The following DNAJC16 variants were observed in gnomAD, a reference collection of about 807,000 sequenced individuals.
The protein encoded by DNAJC16 is dnaJ homolog subfamily C member 16.
Under a neutral mutation model 92.7 loss-of-function variants are expected in DNAJC16, and 76 were observed. The observed-to-expected ratio is 0.82, with a 90% CI of 0.68 to 0.99. The LOEUF is 0.99. DNAJC16 is among the 50% of genes least tolerant of loss of function. DNAJC16 has a pLI of 0.00. For synonymous variants in DNAJC16, 328 were observed against 358.7 expected, an observed-to-expected ratio of 0.91 and a Z score of 0.97; for missense variants, 869 against 942.4, an observed-to-expected ratio of 0.92 and a Z score of 1.02.
At chr1:15,549,128 C>T (rs1444515179) in intron 7 of DNAJC16, among the ~76,000 whole-genome samples, 1 of 152,146 alleles carries the variant, frequency 6.6e-6, no homozygotes. Flanking sequence ...ACTCTAATGG[C>T]AGCTCAGGTG....
chr1:15,552,766 A>T lies in DNAJC16; in HGVS notation c.1023+4338A>T, dbSNP rs982800459. Reference sequence around the variant, plus strand: ...TGTTATGTGTCTTTTTATTATTATTATTTATTTTTTTTTTTTTTGGAGACA... The same window carrying T: ...TGTTATGTGTCTTTTTATTATTATTTTTTATTTTTTTTTTTTTTGGAGACA... On this transcript the variant is annotated intron_variant, in intron 7 of 14. Coordinates refer to ENST00000375847, the MANE Select transcript of DNAJC16 (RefSeq NM_015291.4). 1.2e-3 allele frequency among the ~76,000 whole-genome samples: 156 copies of T among 125,938 alleles called. 1 individual carries two copies. Among genetic ancestry groups the T allele is most frequent in the South Asian group, 4.4e-3 (17 of 3,850 alleles). 82.6% of individuals were successfully genotyped at this position (125,938 alleles called of 152,430 possible).
Position 15,530,673 on chromosome 1 carries a change from A to G in DNAJC16, c.167+1401A>G, listed in dbSNP as rs187027502. Reference sequence around the variant, plus strand: ...CTCATTTAAACCTTATAATGAGCCTATGAAGGAGGATATCAGTATCTCTTT... The same window carrying G: ...CTCATTTAAACCTTATAATGAGCCTGTGAAGGAGGATATCAGTATCTCTTT... On this transcript the variant is annotated intron_variant, in intron 2 of 14. Coordinates refer to ENST00000375847, the MANE Select transcript of DNAJC16 (RefSeq NM_015291.4). Among the ~76,000 whole-genome samples, 20 of 152,262 alleles carry G rather than the reference A, an allele frequency of 1.3e-4. 1 individual carries two copies. Among genetic ancestry groups the G allele is most frequent in the Admixed American group, 1.2e-3 (18 of 15,292 alleles).
rs527453027 is a variant in DNAJC16, at chr1:15,566,401, A to C, written c.1778+221A>C. ...TTCATAATGAAGGCAGAAGGAAAGA[A>C]GCCTATCAGGCAAGTGTTAGGTGAG... On this transcript the variant is annotated intron_variant, in intron 13 of 14. Transcript: ENST00000375847. 7 of 539,692 alleles carry C rather than the reference A, an allele frequency of 1.3e-5. No homozygotes were observed. The East Asian group carries it at 2.2e-4, about 17-fold the overall frequency. The allele number at this position is 539,692 out of a possible 1,614,324, so 33.4% of individuals were successfully genotyped here.
At chr1:15,567,374 A>G (rs2103429918) in intron 14 of DNAJC16, 105 bp downstream of exon 14, 1 of 1,186,008 alleles carries the variant, frequency 8.4e-7, no homozygotes, top group South Asian at 1.4e-5. Flanking sequence ...CTTCATCCAT[A>G]CAGCAAGATG....
intron 7 of DNAJC16, among the ~76,000 whole-genome samples, chr1:15,558,028 G>A (rs1321094850): frequency 1.3e-5 from 2 of 151,784 alleles, no homozygotes; most frequent in African/African-American, 4.8e-5. Context: ...CTAAGGCCAC[G>A]CCTGGCTAAT....
intron 4 of DNAJC16, among the ~76,000 whole-genome samples, chr1:15,537,468 C>A (rs530437839): frequency 6.6e-6 from 1 of 152,298 alleles, no homozygotes; most frequent in African/African-American, 2.4e-5. Context: ...ACTGACCTCA[C>A]ATTTGCAAGC....
At chr1:15,538,385 ACT>A (rs1157047899) in intron 4 of DNAJC16, among the ~76,000 whole-genome samples, 3 of 150,358 alleles carry the variant, frequency 2.0e-5, no homozygotes, top group East Asian at 2.0e-4. Flanking sequence ...ACAGAGCGAG[ACT>A]CTGTCTCAAG....
intron 10 of DNAJC16, 41 bp from the exon 11 acceptor site, chr1:15,564,242 C>G: frequency 1.3e-6 from 2 of 1,533,640 alleles, no homozygotes; most frequent in Non-Finnish European, 1.8e-6. Context: ...CTCTCCCTTC[C>G]GGCTTTAGTC....
At chr1:15,550,785 G>A (rs1369900591) in intron 7 of DNAJC16, among the ~76,000 whole-genome samples, 3 of 152,128 alleles carry the variant, frequency 2.0e-5, no homozygotes, top group Admixed American at 6.5e-5. Flanking sequence ...ATCCAGGCAG[G>A]GCACCAGGCC....
At chr1:15,562,911 T>C (rs1328571934) in intron 9 of DNAJC16, among the ~76,000 whole-genome samples, 1 of 150,350 alleles carries the variant, frequency 6.7e-6, no homozygotes, top group East Asian at 1.9e-4. Context: ...ACCAGTTTTT[T>C]ACTAAGGCAA....
chr1:15,541,975 A>C (rs58424111), intron 4 of DNAJC16, among the ~76,000 whole-genome samples: 42,100 of 151,884 alleles, frequency 0.28, 6,697 homozygotes, highest in African/African-American at 0.43. Context: ...GCAGGATGGG[A>C]GCATCTTTTG....
At chr1:15,556,274 G>A (rs1038385865) in intron 7 of DNAJC16, among the ~76,000 whole-genome samples, 9 of 152,020 alleles carry the variant, frequency 5.9e-5, no homozygotes, top group Admixed American at 6.6e-5. Flanking sequence ...TTGCTCTGTC[G>A]CCCAGGCTGG....
At chr1:15,550,193 T>G (rs1242039495) in intron 7 of DNAJC16, among the ~76,000 whole-genome samples, 1 of 152,206 alleles carries the variant, frequency 6.6e-6, no homozygotes, top group Non-Finnish European at 1.5e-5. Flanking sequence ...CAAATACCAG[T>G]GTCCGAATAG....
At chr1:15,540,699 A>G (rs1396825513) in intron 4 of DNAJC16, among the ~76,000 whole-genome samples, 1 of 152,166 alleles carries the variant, frequency 6.6e-6, no homozygotes, top group Non-Finnish European at 1.5e-5. Context: ...AGCCTCCCAA[A>G]GCACTGGTAT....
In DNAJC16 at chr1:15,536,803, T is replaced by C; in HGVS notation, c.563T>C (p.Leu188Pro). 2 of 1,596,450 alleles carry C rather than the reference T, an allele frequency of 1.3e-6. No homozygotes were observed. The highest frequency in any genetic ancestry group is 1.7e-6 in the Non-Finnish European group (2 of 1,174,028). ...EPVWKEVIQELEELGVGIGVV... is the reference protein window; with the variant it reads ...EPVWKEVIQEPEELGVGIGVV... ...GTGTGGAAAGAAGTCATTCAAGAAC[T>C]GGAAGAATTGGGTAAGATAATTTTA... Residue 188 changes from leucine (L) to proline (P), a missense_variant, in exon 4 of 15, where the codon CTG becomes CCG. Coordinates refer to ENST00000375847, the MANE Select transcript of DNAJC16 (RefSeq NM_015291.4).
Position 15,568,469 on chromosome 1 carries a change from C to A in DNAJC16, c.*292C>A. 1 of 497,760 alleles carries A rather than the reference C, an allele frequency of 2.0e-6. No homozygotes were observed. The highest frequency in any genetic ancestry group is 3.5e-6 in the Non-Finnish European group (1 of 284,536). 30.8% of individuals were successfully genotyped at this position (497,760 alleles called of 1,614,324 possible). A position where few individuals can be genotyped will look rare whatever the true frequency, so the allele number is the denominator to read the frequency against. On this transcript the variant is annotated 3_prime_UTR_variant, in exon 15 of 15. Coordinates refer to ENST00000375847, the MANE Select transcript of DNAJC16 (RefSeq NM_015291.4). ...CCCCTCTTCCTTTCTTGTCCTTGTC[C>A]CATGCTCACCCCACCCTCCTGTCCT...
chr1:15,567,577 G>T (rs560671319), intron 14 of DNAJC16, among the ~76,000 whole-genome samples: 4 of 152,152 alleles, frequency 2.6e-5, no homozygotes, highest in African/African-American at 9.7e-5. Context: ...CCGAGCAAGC[G>T]ATGGGGGAAT....
intron 7 of DNAJC16, among the ~76,000 whole-genome samples, chr1:15,554,970 C>T (rs1638532439): frequency 6.7e-6 from 1 of 149,760 alleles, no homozygotes; most frequent in African/African-American, 2.4e-5. Context: ...ATAATTTTCT[C>T]TGGAAAGAAC....
chr1:15,563,398 A>G (rs1267407094), intron 9 of DNAJC16, among the ~76,000 whole-genome samples: 1 of 151,886 alleles, frequency 6.6e-6, no homozygotes, highest in African/African-American at 2.4e-5. Context: ...TGTGGTGCAC[A>G]CCTGTCTGTA....
Sources: allele counts gnomAD v4.1 joint callset (sites outside exome capture counted in the v4.1 genomes callset), GRCh38; gene constraint gnomAD v4.1.1; transcripts MANE v1.5; gene names NCBI Gene and HGNC (gene_info 2026-07-23, HGNC 2026-07-21).